The following PELI2 variants were observed in gnomAD, a reference collection of about 807,000 sequenced individuals.
PELI2 encodes the protein pellino E3 ubiquitin protein ligase family member 2.
Under a neutral mutation model 42.3 loss-of-function variants are expected in PELI2, and 23 were observed. The observed-to-expected ratio is 0.54, with a 90% CI of 0.39 to 0.77. The LOEUF (loss-of-function observed/expected upper bound fraction) is 0.77, where lower values mean the gene tolerates loss of function less well. Among genes scored for constraint, PELI2 ranks in the 30% least tolerant of loss-of-function variants. The pLI, the probability that PELI2 is intolerant of heterozygous loss-of-function variation, is 0.00. For synonymous variants in PELI2, 245 were observed against 212.2 expected, an observed-to-expected ratio of 1.15 and a Z score of -1.34; for missense variants, 463 against 553.2, an observed-to-expected ratio of 0.84 and a Z score of 1.64.
intron 2 of PELI2, among the ~76,000 whole-genome samples, chr14:56,244,689 A>T (rs1019070818): frequency 6.6e-6 from 1 of 152,192 alleles, no homozygotes; most frequent in East Asian, 1.9e-4. Context: ...CTGTGTAAAT[A>T]GATTCTCAGC....
In PELI2 at chr14:56,296,586, C is replaced by T; in HGVS notation, c.697-14C>T. On this transcript the variant is annotated splice_polypyrimidine_tract_variant and intron_variant, in intron 5 of 5. Coordinates refer to ENST00000267460, the MANE Select transcript of PELI2 (RefSeq NM_021255.3). ...TTTTGCTTTTAAAAGGCATGTGTCTCAAACTTGTTGTAGGTGGAAAGTGAG... is the reference window on the plus strand; with the variant it reads ...TTTTGCTTTTAAAAGGCATGTGTCTTAAACTTGTTGTAGGTGGAAAGTGAG... 1 of 1,568,196 alleles carries T rather than the reference C, an allele frequency of 6.4e-7. No homozygotes were observed. Among genetic ancestry groups the T allele is most frequent in the Non-Finnish European group, 8.7e-7 (1 of 1,152,052 alleles).
At chr14:56,275,144 A>G (rs745309559) in intron 2 of PELI2, among the ~76,000 whole-genome samples, 40 of 152,130 alleles carry the variant, frequency 2.6e-4, no homozygotes, top group Non-Finnish European at 4.7e-4. Flanking sequence ...GGGTGGAAAA[A>G]TAAATAAGAC....
At chr14:56,128,004 G>A (rs774640375) in intron 1 of PELI2, among the ~76,000 whole-genome samples, 2 of 152,088 alleles carry the variant, frequency 1.3e-5, no homozygotes, top group Non-Finnish European at 1.5e-5. Flanking sequence ...TTGCATGTGT[G>A]TTCTGCATGG....
intron 1 of PELI2, among the ~76,000 whole-genome samples, chr14:56,133,634 T>C (rs1264742822): frequency 1.3e-5 from 2 of 152,256 alleles, no homozygotes; most frequent in Non-Finnish European, 2.9e-5. Context: ...CTTCATCTTT[T>C]GTGCTTTGGC....
chr14:56,125,566 CT>C (rs1883226529), intron 1 of PELI2, among the ~76,000 whole-genome samples: 2 of 151,742 alleles, frequency 1.3e-5, no homozygotes, highest in African/African-American at 2.4e-5. Context: ...ACTTTTTTTT[CT>C]GTTTAAGCCA....
intron 2 of PELI2, among the ~76,000 whole-genome samples, chr14:56,268,194 T>C (rs1328002287): frequency 6.6e-6 from 1 of 152,228 alleles, no homozygotes; most frequent in East Asian, 1.9e-4. Flanking sequence ...AATAGGCAAA[T>C]CGAATTATTC....
intron 2 of PELI2, among the ~76,000 whole-genome samples, chr14:56,242,577 A>C (rs768905291): frequency 6.6e-6 from 1 of 152,216 alleles, no homozygotes; most frequent in Non-Finnish European, 1.5e-5. Context: ...ACAACTTGCA[A>C]TTGCAAAAAT....
intron 2 of PELI2, among the ~76,000 whole-genome samples, chr14:56,259,666 C>CT (rs1416777406): frequency 2.6e-5 from 4 of 152,090 alleles, no homozygotes; most frequent in African/African-American, 9.7e-5. Flanking sequence ...TTTTGAAAAA[C>CT]TTAACAGGTA....
At chr14:56,294,627 C>T (rs973154098) in intron 5 of PELI2, among the ~76,000 whole-genome samples, 4 of 152,230 alleles carry the variant, frequency 2.6e-5, no homozygotes, top group Admixed American at 6.5e-5. Context: ...TCAGTCCTCT[C>T]TGCCCTCCCT....
At chr14:56,212,478 G>T (rs578047220) in intron 2 of PELI2, among the ~76,000 whole-genome samples, 3 of 152,264 alleles carry the variant, frequency 2.0e-5, no homozygotes, top group Non-Finnish European at 4.4e-5. Flanking sequence ...CCTGGGATTG[G>T]GGGGAGAGAG....
chr14:56,283,088 G>A (rs181385224), intron 3 of PELI2, among the ~76,000 whole-genome samples: 51 of 152,192 alleles, frequency 3.4e-4, no homozygotes, highest in Admixed American at 1.5e-3. Context: ...TTGTTTCTTC[G>A]GAATTTTTCA....
intron 1 of PELI2, among the ~76,000 whole-genome samples, chr14:56,162,005 A>C (rs575837898): frequency 1.3e-5 from 2 of 152,274 alleles, no homozygotes; most frequent in South Asian, 4.2e-4. Flanking sequence ...GTGGGTGCAC[A>C]GTAGGTGTAT....
At position 56,163,290 on chromosome 14, in the gene PELI2, C is replaced by T. The variant is rs188010003; in HGVS notation, c.78-15045C>T. Among the ~76,000 whole-genome samples the T allele has an allele frequency of 3.2e-3, 483 of 152,230 alleles. 2 individuals carry two copies. Among genetic ancestry groups the T allele is most frequent in the African/African-American group, 0.011 (463 of 41,538 alleles). ...ATAGTGGTCTAGTTTCATTTTTCTGCATATGGATATCCAGTTTTCCCAGCA... is the reference window on the plus strand; with the variant it reads ...ATAGTGGTCTAGTTTCATTTTTCTGTATATGGATATCCAGTTTTCCCAGCA... On this transcript the variant is annotated intron_variant, in intron 1 of 5. Coordinates refer to ENST00000267460, the MANE Select transcript of PELI2 (RefSeq NM_021255.3).
intron 2 of PELI2, among the ~76,000 whole-genome samples, chr14:56,228,169 T>A (rs554142771): frequency 6.6e-6 from 1 of 152,370 alleles, no homozygotes; most frequent in Non-Finnish European, 1.5e-5. Flanking sequence ...TAGCCATGTA[T>A]AAAAGACAGC....
chr14:56,280,935 G>A (rs1283130038), intron 3 of PELI2, among the ~76,000 whole-genome samples: 1 of 151,928 alleles, frequency 6.6e-6, no homozygotes, highest in Non-Finnish European at 1.5e-5. Flanking sequence ...AATATAAATG[G>A]CCAATAAATA....
At chr14:56,202,757 T>C (rs1030003284) in intron 2 of PELI2, among the ~76,000 whole-genome samples, 6 of 152,218 alleles carry the variant, frequency 3.9e-5, no homozygotes, top group African/African-American at 1.4e-4. Context: ...CAGCATATCA[T>C]CTGTGAAGTC....
intron 1 of PELI2, among the ~76,000 whole-genome samples, chr14:56,155,966 C>T (rs910272187): frequency 6.6e-6 from 1 of 152,052 alleles, no homozygotes; most frequent in East Asian, 1.9e-4. Flanking sequence ...CCCTTATTTC[C>T]GTTTCAATTT....
chr14:56,118,578 A>C lies in PELI2; in HGVS notation c.-83A>C. On this transcript the variant is annotated 5_prime_UTR_variant, in exon 1 of 6. Transcript: ENST00000267460. ...GCGCTCACCCCGTTCTCGGGATGGG[A>C]TTGTAGCGGCGGCGCGGACTCGGCG... 1 of 901,264 alleles carries C rather than the reference A, an allele frequency of 1.1e-6. No homozygotes were observed. Among genetic ancestry groups the C allele is most frequent in the Non-Finnish European group, 1.5e-6 (1 of 663,766 alleles). The allele number at this position is 901,264 out of a possible 1,614,324, so 55.8% of individuals were successfully genotyped here.
chr14:56,222,918 A>G (rs1053241585), intron 2 of PELI2, among the ~76,000 whole-genome samples: 4 of 152,206 alleles, frequency 2.6e-5, no homozygotes, highest in Admixed American at 1.3e-4. Context: ...TGATGGAGAA[A>G]GGGCAAAGGA....
Sources: allele counts gnomAD v4.1 joint callset (sites outside exome capture counted in the v4.1 genomes callset), GRCh38; gene constraint gnomAD v4.1.1; transcripts MANE v1.5; gene names NCBI Gene and HGNC (gene_info 2026-07-23, HGNC 2026-07-21).